FRMPD2: variants seen among roughly 807,000 people sequenced by gnomAD.
The protein encoded by FRMPD2 is FERM and PDZ domain containing 2.
FRMPD2 carries 96 observed loss-of-function variants against 140.1 expected under a neutral mutation model. The observed-to-expected ratio is 0.69, with a 90% CI of 0.58 to 0.81. The LOEUF is 0.81. Ranked by LOEUF, FRMPD2 falls within the 40% of genes least tolerant of loss-of-function variation. The pLI, the probability that FRMPD2 is intolerant of heterozygous loss-of-function variation, is 0.00. For missense variants in FRMPD2, 1,240 were observed against 1,447.4 expected (o/e 0.86, Z 2.32); for synonymous variants, 449 against 547.6 (o/e 0.82, Z 2.52).
chr10:48,246,997 C>A (rs76374246), intron 3 of FRMPD2, among the ~76,000 whole-genome samples: 3 of 152,172 alleles, frequency 2.0e-5, no homozygotes, highest in East Asian at 3.8e-4. Flanking sequence ...AGCGCTAAAC[C>A]AATGTTTGGT....
intron 14 of FRMPD2, among the ~76,000 whole-genome samples, chr10:48,205,452 T>C (rs1223123172): frequency 6.6e-6 from 1 of 152,236 alleles, no homozygotes; most frequent in African/African-American, 2.4e-5. Flanking sequence ...AAATCCATTT[T>C]AAAAAATTAC....
intron 12 of FRMPD2, among the ~76,000 whole-genome samples, chr10:48,215,454 A>T (rs1839423958): frequency 6.6e-6 from 1 of 152,258 alleles, no homozygotes; most frequent in Admixed American, 6.5e-5. Flanking sequence ...CTAACCTCAC[A>T]GAGTCACAAC....
chr10:48,199,469 TG>T (rs1361963598), intron 15 of FRMPD2, among the ~76,000 whole-genome samples: 54 of 152,344 alleles, frequency 3.5e-4, no homozygotes, highest in African/African-American at 1.2e-3. Flanking sequence ...GCTTCCTGAT[TG>T]GTACAGGTGC....
chr10:48,161,651 G>C (rs1837944444), intron 28 of FRMPD2, among the ~76,000 whole-genome samples: 1 of 151,342 alleles, frequency 6.6e-6, no homozygotes, highest in Admixed American at 6.6e-5. Context: ...TCAGTAACTA[G>C]ATGATGATAA....
intron 9 of FRMPD2, among the ~76,000 whole-genome samples, chr10:48,235,021 CCT>C (rs1839935818): frequency 6.6e-6 from 1 of 152,072 alleles, no homozygotes; most frequent in South Asian, 2.1e-4. Context: ...CCCTTCTTCC[CCT>C]CAGCTGAGGG....
chr10:48,218,196 C>T (rs1405883589), intron 12 of FRMPD2, among the ~76,000 whole-genome samples: 1 of 152,178 alleles, frequency 6.6e-6, no homozygotes, highest in Non-Finnish European at 1.5e-5. Context: ...TTAGGGCCCA[C>T]CCTAACAGCC....
At chr10:48,195,500 G>T (rs940406583) in intron 15 of FRMPD2, among the ~76,000 whole-genome samples, 1 of 152,116 alleles carries the variant, frequency 6.6e-6, no homozygotes, top group Non-Finnish European at 1.5e-5. Context: ...AGATAAACAC[G>T]ATGATATTTA....
At chr10:48,241,776 G>T (rs80019561) in intron 5 of FRMPD2, among the ~76,000 whole-genome samples, 8 of 152,176 alleles carry the variant, frequency 5.3e-5, no homozygotes, top group African/African-American at 1.7e-4. Context: ...CCACAAAAAC[G>T]AAGTCGGGGA....
chr10:48,242,217 G>A lies in FRMPD2; in HGVS notation c.511C>T (p.Pro171Ser), dbSNP rs1432101261. ...HEKEVSVYPA[P>S]AGLHIRRLVG... ...AGCCTTCTGATGTGGAGACCAGCAG[G>A]GGCTGGGTAGACAGACACTTCTTTC... The change falls in exon 5 of 29, where the codon CCT becomes TCT. Residue 171 changes from proline to serine, a missense_variant. Pro to Ser is a moderately conservative substitution (Grantham distance 74). This residue lies in a region of FRMPD2 where 1,161 missense variants were observed against 1,055.9 expected (regional missense o/e 1.10). Coordinates refer to ENST00000374201, the MANE Select transcript of FRMPD2 (RefSeq NM_001018071.4). 2.5e-6 allele frequency: 4 copies of A among 1,614,174 alleles called. No homozygotes were observed. Among genetic ancestry groups the A allele is most frequent in the South Asian group, 2.2e-5 (2 of 91,074 alleles).
intron 1 of FRMPD2, among the ~76,000 whole-genome samples, chr10:48,255,354 C>G (rs1177392414): frequency 6.6e-6 from 1 of 152,200 alleles, no homozygotes; most frequent in East Asian, 1.9e-4. Context: ...CCCTGGCATG[C>G]CTCGGGCTAG....
At chr10:48,242,382 A>G (rs771125651) in intron 4 of FRMPD2, 30 bp from the exon 5 acceptor site, 1 of 1,590,468 alleles carries the variant, frequency 6.3e-7, no homozygotes, top group East Asian at 2.2e-5. Context: ...GTGAGAGGAG[A>G]GAGCAGCCAG....
intron 3 of FRMPD2, among the ~76,000 whole-genome samples, chr10:48,245,127 G>T (rs1588852052): frequency 1.3e-5 from 2 of 152,286 alleles, no homozygotes; most frequent in African/African-American, 4.8e-5. Context: ...CTGACAAAAG[G>T]ACACATGTGA....
intron 17 of FRMPD2, among the ~76,000 whole-genome samples, chr10:48,186,817 C>A (rs1298424480): frequency 6.6e-6 from 1 of 152,182 alleles, no homozygotes; most frequent in African/African-American, 2.4e-5. Flanking sequence ...GGATGCATGG[C>A]TGAAGGGACT....
chr10:48,236,647 A>G (rs1466101466), intron 8 of FRMPD2, 94 bp from the exon 9 acceptor site: 5 of 1,140,664 alleles, frequency 4.4e-6, no homozygotes, highest in Admixed American at 1.8e-5. Flanking sequence ...AGCCCCCACC[A>G]GCATACATTC....
At chr10:48,217,260 G>C (rs998621661) in intron 12 of FRMPD2, among the ~76,000 whole-genome samples, 1 of 152,178 alleles carries the variant, frequency 6.6e-6, no homozygotes, top group African/African-American at 2.4e-5. Context: ...TTTGGTGCTG[G>C]ATAAATGGCT....
At chr10:48,234,398 A>C (rs536979009) in intron 9 of FRMPD2, among the ~76,000 whole-genome samples, 2 of 152,324 alleles carry the variant, frequency 1.3e-5, no homozygotes, top group East Asian at 3.9e-4. Context: ...TGTTTCAGTG[A>C]GCCTAGTTGC....
chr10:48,258,731 G>A (rs1207822611), intron 1 of FRMPD2, among the ~76,000 whole-genome samples: 1 of 152,092 alleles, frequency 6.6e-6, no homozygotes, highest in African/African-American at 2.4e-5. Flanking sequence ...CGTTTTCCCA[G>A]TGTTTGCCAC....
intron 10 of FRMPD2, among the ~76,000 whole-genome samples, chr10:48,230,214 T>C (rs1839819375): frequency 6.6e-6 from 1 of 152,188 alleles, no homozygotes; most frequent in Non-Finnish European, 1.5e-5. Context: ...ATTTGCTTTT[T>C]CTCCTTTCCT....
At chr10:48,189,075 G>C (rs1440586863) in intron 16 of FRMPD2, among the ~76,000 whole-genome samples, 1 of 152,098 alleles carries the variant, frequency 6.6e-6, no homozygotes, top group Non-Finnish European at 1.5e-5. Flanking sequence ...TAGGATGGTA[G>C]GTGTTATATT....
Sources: allele counts gnomAD v4.1 joint callset (sites outside exome capture counted in the v4.1 genomes callset), GRCh38; gene constraint gnomAD v4.1.1; regional missense constraint gnomAD v4.1.1; transcripts MANE v1.5; gene names NCBI Gene and HGNC (gene_info 2026-07-23, HGNC 2026-07-21).